ORC2: variants seen among roughly 807,000 people sequenced by gnomAD.
The protein encoded by ORC2 is origin recognition complex protein 2 homolog.
ORC2 carries 37 observed loss-of-function variants against 77.7 expected under a neutral mutation model. That is an observed-to-expected ratio of 0.48 (90% CI 0.37 to 0.63). ORC2 has a LOEUF of 0.63. Ranked by LOEUF, ORC2 falls within the 20% of genes least tolerant of loss-of-function variation. The pLI, the probability that ORC2 is intolerant of heterozygous loss-of-function variation, is 0.00. For missense variants in ORC2, 557 were observed against 661.9 expected (o/e 0.84, Z 1.74); for synonymous variants, 201 against 229.5 (o/e 0.88, Z 1.12).
At chr2:200,920,655 A>C (rs1399215809) in intron 14 of ORC2, among the ~76,000 whole-genome samples, 1 of 152,208 alleles carries the variant, frequency 6.6e-6, no homozygotes, top group Non-Finnish European at 1.5e-5. Context: ...GTAATGTTTT[A>C]ACATTTTCTT....
intron 15 of ORC2, among the ~76,000 whole-genome samples, chr2:200,915,255 C>T (rs1029719605): frequency 2.6e-5 from 4 of 151,876 alleles, no homozygotes; most frequent in Non-Finnish European, 4.4e-5. Flanking sequence ...TCAGGTGATC[C>T]ACCCGCCTCG....
intron 4 of ORC2, among the ~76,000 whole-genome samples, chr2:200,954,026 CTTTCTT>C (rs1575184557): frequency 6.6e-6 from 1 of 150,462 alleles, no homozygotes; most frequent in African/African-American, 2.4e-5. Context: ...GGATTTCTTT[CTTTCTT>C]TTTCTTTTTT....
chr2:200,927,065 A>T (rs2040849630), intron 11 of ORC2, among the ~76,000 whole-genome samples, 165 bp from the exon 12 acceptor site: 1 of 151,988 alleles, frequency 6.6e-6, no homozygotes, highest in Non-Finnish European at 1.5e-5. Context: ...AAACGCAAAA[A>T]AGTTTTTCAT....
chr2:200,943,858 C>T (rs1466495511), intron 5 of ORC2, among the ~76,000 whole-genome samples: 2 of 150,402 alleles, frequency 1.3e-5, no homozygotes, highest in East Asian at 2.0e-4. Flanking sequence ...AGTCTTATGA[C>T]ATTATCCTGG....
rs2041626089 is a variant in ORC2, at chr2:200,963,657, G to A, written c.-227C>T. 5.0e-6 allele frequency: 2 copies of A among 398,184 alleles called. No homozygotes were observed. The highest frequency in any genetic ancestry group is 2.1e-5 in the African/African-American group (1 of 48,628). The allele number at this position is 398,184 out of a possible 1,614,324, so 24.7% of individuals were successfully genotyped here. A position where few individuals can be genotyped will look rare whatever the true frequency, so the allele number is the denominator to read the frequency against. ...TAAGGAGCACCGGAGGCCAGCTGGG[G>A]GATGGGAAGCCTGCGTGCGGCACAC... is the stretch of plus-strand genomic sequence containing the variant. On this transcript the variant is annotated 5_prime_UTR_variant, in exon 1 of 18. Transcript: ENST00000234296.
chr2:200,934,420 TCCTCCTA>T (rs2040997023), intron 9 of ORC2, among the ~76,000 whole-genome samples: 1 of 151,500 alleles, frequency 6.6e-6, no homozygotes, highest in Non-Finnish European at 1.5e-5. Flanking sequence ...GCACAAGGGA[TCCTCCTA>T]CCTCAGCCTT....
chr2:200,921,933 A>G (rs2040769215), intron 13 of ORC2, among the ~76,000 whole-genome samples: 1 of 152,052 alleles, frequency 6.6e-6, no homozygotes, highest in African/African-American at 2.4e-5. Flanking sequence ...CGCCGTGCTC[A>G]GCCTAAAGAA....
chr2:200,950,055 G>A (rs554073500), intron 4 of ORC2, among the ~76,000 whole-genome samples: 3 of 152,084 alleles, frequency 2.0e-5, no homozygotes, highest in African/African-American at 4.8e-5. Context: ...TTTCTTGGCC[G>A]GGCGCAGTGG....
intron 2 of ORC2, among the ~76,000 whole-genome samples, 153 bp from the exon 3 acceptor site, chr2:200,958,286 A>T (rs1176575227): frequency 2.6e-5 from 4 of 152,218 alleles, no homozygotes; most frequent in Admixed American, 2.0e-4. Flanking sequence ...ATTACTACAT[A>T]TTCAACTGTA....
Position 200,931,403 on chromosome 2 carries a change from C to A in ORC2, c.853G>T (p.Ala285Ser). 2.0e-6 allele frequency: 3 copies of A among 1,536,026 alleles called. No homozygotes were observed. The highest frequency in any genetic ancestry group is 2.3e-5 in the Admixed American group (1 of 43,062). The stretch of plus-strand genomic sequence containing the variant: ...TGTTGATTTAGTTGTTTAAGTTCGG[C>A]AGAAAAGGAAGGGGAAACCTTGCTC... ...LLSKVSPSFS[A>S]ELKQLNQQYE... The change falls in exon 11 of 18, where the codon GCC (alanine) becomes TCC (serine). Residue 285 changes from alanine to serine, a missense_variant. By Grantham distance (99) the Ala-to-Ser change is moderately conservative. Coordinates refer to ENST00000234296, the MANE Select transcript of ORC2 (RefSeq NM_006190.5).
intron 16 of ORC2, 83 bp from the exon 17 acceptor site, chr2:200,913,496 T>TAAA: frequency 1.4e-6 from 2 of 1,447,098 alleles, no homozygotes; most frequent in South Asian, 2.8e-5. Flanking sequence ...AAGAACAGAA[T>TAAA]AAAAGTGCTA....
chr2:200,921,650 T>G (rs1165287336), intron 13 of ORC2: 1 of 151,684 alleles, frequency 6.6e-6, no homozygotes, highest in Non-Finnish European at 1.5e-5. Context: ...TTTGTTTTGT[T>G]TTTTAAGACA....
At chr2:200,930,341 A>G (rs1192745833) in intron 11 of ORC2, among the ~76,000 whole-genome samples, 1 of 152,172 alleles carries the variant, frequency 6.6e-6, no homozygotes, top group African/African-American at 2.4e-5. Context: ...TGAGAAGCAA[A>G]GCAAATTAAG....
In ORC2 at chr2:200,941,463, G is replaced by A. The variant is rs187874461; in HGVS notation, c.422-184C>T. 3.0e-4 allele frequency among the ~76,000 whole-genome samples: 44 copies of A among 148,784 alleles called. No individual in the cohort carries two copies. In the Middle Eastern group the frequency reaches 0.01, roughly 35 times the overall value. On this transcript the variant is annotated intron_variant, in intron 6 of 17. Transcript: ENST00000234296. Reference sequence around the variant, plus strand: ...TCAAGACCAACCTGAGCATCATAGCGTGATCCTGTGTCTATTCAAAAAATT... The same window carrying A: ...TCAAGACCAACCTGAGCATCATAGCATGATCCTGTGTCTATTCAAAAAATT...
At chr2:200,960,371 GATA>G (rs1250140334) in intron 1 of ORC2, among the ~76,000 whole-genome samples, 4 of 152,040 alleles carry the variant, frequency 2.6e-5, no homozygotes, top group Non-Finnish European at 4.4e-5. Context: ...AAAAAATAAA[GATA>G]ATAAATACTT....
At chr2:200,920,568 C>G (rs1467229670) in intron 14 of ORC2, among the ~76,000 whole-genome samples, 175 bp from the exon 15 acceptor site, 1 of 152,166 alleles carries the variant, frequency 6.6e-6, no homozygotes, top group Non-Finnish European at 1.5e-5. Flanking sequence ...CATTTTCAAC[C>G]AACATCTGAA....
intron 5 of ORC2, chr2:200,943,267 TAAAATAGAGTGTTG>T (rs1396895129): frequency 2.0e-5 from 3 of 152,218 alleles, no homozygotes; most frequent in Non-Finnish European, 4.4e-5. Context: ...AAATAATACA[TAAAATAGAGTGTTG>T]AACAGATGGC....
intron 9 of ORC2, among the ~76,000 whole-genome samples, chr2:200,934,845 G>C (rs73059145): frequency 6.6e-6 from 1 of 152,282 alleles, no homozygotes; most frequent in African/African-American, 2.4e-5. Context: ...GGGACAGAAA[G>C]CTATTTAAGC....
intron 5 of ORC2, 140 bp downstream of exon 5, chr2:200,949,414 C>T (rs1024953804): frequency 4.6e-5 from 27 of 582,576 alleles, no homozygotes; most frequent in East Asian, 3.5e-4. Flanking sequence ...TTTTAGGGAA[C>T]GTCTCATTAT....
Sources: allele counts gnomAD v4.1 joint callset (sites outside exome capture counted in the v4.1 genomes callset), GRCh38; gene constraint gnomAD v4.1.1; transcripts MANE v1.5; gene names NCBI Gene and HGNC (gene_info 2026-07-23, HGNC 2026-07-21).